Variants in HS6ST3 observed in about 807,000 individuals in gnomAD.
HS6ST3 encodes the protein heparan-sulfate 6-O-sulfotransferase 3.
Under a neutral mutation model 36.7 loss-of-function variants are expected in HS6ST3, and 12 were observed. The observed-to-expected ratio is 0.33, with a 90% CI of 0.21 to 0.53. The LOEUF is 0.53. Ranked by LOEUF, HS6ST3 falls within the 20% of genes least tolerant of loss-of-function variation. The probability of loss-of-function intolerance (pLI) is 0.95; values close to 1 mark genes in which losing one functional copy is unlikely to be tolerated. For missense variants in HS6ST3, 584 were observed against 640.9 expected, an observed-to-expected ratio of 0.91 and a Z score of 0.96; for synonymous variants, 240 against 257.5, an observed-to-expected ratio of 0.93 and a Z score of 0.65.
intron 1 of HS6ST3, among the ~76,000 whole-genome samples, chr13:96,313,807 C>A (rs758276538): frequency 7.2e-5 from 11 of 152,164 alleles, no homozygotes; most frequent in Non-Finnish European, 1.5e-4. Context: ...TTAGTATATT[C>A]TTGTTCTGAC....
intron 1 of HS6ST3, among the ~76,000 whole-genome samples, chr13:96,671,602 C>T (rs993738194): frequency 1.3e-5 from 2 of 152,118 alleles, no homozygotes; most frequent in African/African-American, 4.8e-5. Flanking sequence ...TTGGTTCCTT[C>T]TGAGGGCTGG....
intron 1 of HS6ST3, among the ~76,000 whole-genome samples, chr13:96,203,271 A>G (rs1433475263): frequency 1.3e-5 from 2 of 152,300 alleles, no homozygotes; most frequent in East Asian, 1.9e-4. Flanking sequence ...GGTAGATGCA[A>G]TGTCTGGTGA....
At chr13:96,427,838 T>C (rs2055594937) in intron 1 of HS6ST3, among the ~76,000 whole-genome samples, 1 of 152,180 alleles carries the variant, frequency 6.6e-6, no homozygotes, top group Non-Finnish European at 1.5e-5. Flanking sequence ...CTTGGACTTG[T>C]CTTGCTTTCT....
intron 1 of HS6ST3, among the ~76,000 whole-genome samples, chr13:96,250,599 T>C (rs1175009871): frequency 6.6e-6 from 1 of 152,162 alleles, no homozygotes; most frequent in African/African-American, 2.4e-5. Flanking sequence ...GTCAGTACCT[T>C]GGTTTCACAC....
At chr13:96,698,831 G>A (rs891299087) in intron 1 of HS6ST3, among the ~76,000 whole-genome samples, 1 of 152,056 alleles carries the variant, frequency 6.6e-6, no homozygotes, top group African/African-American at 2.4e-5. Context: ...GAGGCATCAC[G>A]CTACCTGACT....
chr13:96,329,537 G>T (rs1226228755), intron 1 of HS6ST3, among the ~76,000 whole-genome samples: 2 of 146,250 alleles, frequency 1.4e-5, no homozygotes, highest in African/African-American at 5.3e-5. Flanking sequence ...TTGCGCTGTG[G>T]TCTGAGAGAT....
intron 1 of HS6ST3, among the ~76,000 whole-genome samples, chr13:96,448,376 G>A (rs924655099): frequency 6.6e-6 from 1 of 151,890 alleles, no homozygotes. Flanking sequence ...TTTTCCCCTC[G>A]TTTAAAATTA....
rs2053752868 is a variant in HS6ST3 at position 96,090,118 on chromosome 13, C to A, written c.-745C>A. Among the ~76,000 whole-genome samples, 1 of 152,214 alleles carries A rather than the reference C, an allele frequency of 6.6e-6. No individual in the cohort carries two copies. Among genetic ancestry groups the A allele is most frequent in the South Asian group, 2.1e-4 (1 of 4,824 alleles). ...GCAGGGCTCCTGTCACACCGGCTGGCGGGTTGTGGCGGTGCCAGCCTGTGT... is the reference window on the plus strand; with the variant it reads ...GCAGGGCTCCTGTCACACCGGCTGGAGGGTTGTGGCGGTGCCAGCCTGTGT... On this transcript the variant is annotated 5_prime_UTR_variant, in exon 1 of 2. Transcript: ENST00000376705.
intron 1 of HS6ST3, among the ~76,000 whole-genome samples, chr13:96,464,947 CGTGTGTGTGTGTGTGTGTGTGT>C (rs71113997): frequency 0.31 from 45,685 of 145,508 alleles, 7,190 homozygotes; most frequent in South Asian, 0.48. Flanking sequence ...CAAGATGCTT[CGTGTGTGTGTGTGTGTGTGTGT>C]GTGTGTGTGT....
intron 1 of HS6ST3, among the ~76,000 whole-genome samples, chr13:96,615,486 A>G (rs978660440): frequency 3.9e-5 from 6 of 152,142 alleles, no homozygotes; most frequent in African/African-American, 1.4e-4. Context: ...CAGGGTTTTA[A>G]TCAATCTTGG....
intron 1 of HS6ST3, among the ~76,000 whole-genome samples, chr13:96,152,588 T>C (rs905707250): frequency 5.9e-5 from 9 of 152,078 alleles, no homozygotes; most frequent in East Asian, 1.9e-4. Context: ...CCGCCCGCCT[T>C]GACCTCCCAA....
At position 96,668,686 on chromosome 13, in the gene HS6ST3, C is replaced by CTTTTTTTTTTT. The variant is rs146033180; in HGVS notation, c.708-163774_708-163764dup. On this transcript the variant is annotated intron_variant, in intron 1 of 1. Coordinates refer to ENST00000376705, the MANE Select transcript of HS6ST3 (RefSeq NM_153456.4). ...GGGAGCTGAGCACAGTAGTGCCAACCTTTTTTTTTTTTTTTTTTTTTTTTT... is the reference window on the plus strand; with the variant it reads ...GGGAGCTGAGCACAGTAGTGCCAACCTTTTTTTTTTTTTTTTTTTTTTTTTTTTTTTTTTTT... 2.2e-4 allele frequency among the ~76,000 whole-genome samples: 13 copies of CTTTTTTTTTTT among 58,940 alleles called. 1 individual carries two copies. The highest frequency in any genetic ancestry group is 2.9e-4 in the Non-Finnish European group (9 of 31,572). 38.7% of individuals were successfully genotyped at this position (58,940 alleles called of 152,430 possible).
intron 1 of HS6ST3, among the ~76,000 whole-genome samples, chr13:96,272,303 G>T (rs990646297): frequency 6.6e-6 from 1 of 152,112 alleles, no homozygotes; most frequent in South Asian, 2.1e-4. Context: ...ACTCACGACT[G>T]TGCTGAAATA....
At chr13:96,212,944 A>C (rs1484160131) in intron 1 of HS6ST3, among the ~76,000 whole-genome samples, 2 of 152,190 alleles carry the variant, frequency 1.3e-5, no homozygotes, top group Non-Finnish European at 2.9e-5. Context: ...AAGAGAAGAA[A>C]TTTTCACCAG....
intron 1 of HS6ST3, among the ~76,000 whole-genome samples, chr13:96,693,291 T>C (rs1054226461): frequency 1.3e-5 from 2 of 152,130 alleles, no homozygotes; most frequent in Non-Finnish European, 2.9e-5. Context: ...ATTTTTTGAT[T>C]TGGCCAGATT....
chr13:96,329,850 A>G (rs1318313556), intron 1 of HS6ST3, among the ~76,000 whole-genome samples: 1 of 128,514 alleles, frequency 7.8e-6, no homozygotes, highest in Non-Finnish European at 1.6e-5. Context: ...GACTTGCTTT[A>G]TGAATCTGGG....
chr13:96,248,838 C>T (rs976066087), intron 1 of HS6ST3, among the ~76,000 whole-genome samples: 2 of 152,202 alleles, frequency 1.3e-5, no homozygotes, highest in Admixed American at 6.5e-5. Flanking sequence ...CTATTCTAAG[C>T]AAGCACATAT....
chr13:96,542,443 G>A (rs781520504), intron 1 of HS6ST3, among the ~76,000 whole-genome samples: 5 of 152,068 alleles, frequency 3.3e-5, no homozygotes, highest in Non-Finnish European at 5.9e-5. Context: ...ATATTTTTAT[G>A]TAATTACATA....
chr13:96,312,805 A>C (rs1448129094), intron 1 of HS6ST3, among the ~76,000 whole-genome samples: 1 of 151,980 alleles, frequency 6.6e-6, no homozygotes, highest in Non-Finnish European at 1.5e-5. Flanking sequence ...TACAAAAATT[A>C]ACCAGGCACA....
Sources: allele counts gnomAD v4.1 joint callset (sites outside exome capture counted in the v4.1 genomes callset), GRCh38; gene constraint gnomAD v4.1.1; transcripts MANE v1.5; gene names NCBI Gene and HGNC (gene_info 2026-07-23, HGNC 2026-07-21).